The following FBXW10 variants were observed in gnomAD, a reference collection of about 807,000 sequenced individuals.
FBXW10 encodes the protein F-box/WD repeat-containing protein 10.
Under a neutral mutation model 113.1 loss-of-function variants are expected in FBXW10, and 68 were observed. The observed-to-expected ratio is 0.60, with a 90% confidence interval of 0.49 to 0.74. FBXW10 has a LOEUF of 0.74. Among genes scored for constraint, FBXW10 ranks in the 30% least tolerant of loss-of-function variants. The pLI, the probability that FBXW10 is intolerant of heterozygous loss-of-function variation, is 0.00. For missense variants in FBXW10, 753 were observed against 1,284.5 expected, an observed-to-expected ratio of 0.59 and a Z score of 6.32; for synonymous variants, 289 against 481.6, an observed-to-expected ratio of 0.60 and a Z score of 5.24.
Position 18,749,727 on chromosome 17 carries a change from C to G in FBXW10, c.676C>G (p.Pro226Ala). Reference sequence around the variant, plus strand: ...TTTCTCTGGCTTCACTCTAGAGGAACCATGGAGGAATTCACTCCGGTGTAT... The same window carrying G: ...TTTCTCTGGCTTCACTCTAGAGGAAGCATGGAGGAATTCACTCCGGTGTAT... ...LLGAASNPEE[P>A]WRNSLRCISE... is the part of the protein sequence containing the mutation. Residue 226 changes from proline to alanine, a missense_variant, in exon 3 of 14, where the codon CCA (proline) becomes GCA (alanine). Transcript: ENST00000395665. The G allele has an allele frequency of 1.2e-6, 2 of 1,613,966 alleles. No homozygotes were observed. Among genetic ancestry groups the G allele is most frequent in the Middle Eastern group, 1.7e-4 (1 of 6,056 alleles).
Position 18,756,033 on chromosome 17 carries a change from T to G in FBXW10, c.1123-12T>G. 1.2e-6 allele frequency: 2 copies of G among 1,612,710 alleles called. No individual in the cohort carries two copies. The highest frequency in any genetic ancestry group is 1.7e-6 in the Non-Finnish European group (2 of 1,179,170). On this transcript the variant is annotated splice_polypyrimidine_tract_variant and intron_variant, in intron 5 of 13. Coordinates refer to ENST00000395665, the MANE Select transcript of FBXW10 (RefSeq NM_001267585.2). ...TACCACTGAGCTTTAACTTCAAATA[T>G]TCCCTTGTTAGAATGAGTACAACCT... is the stretch of plus-strand genomic sequence containing the variant.
At chr17:18,746,062 G>C (rs1449082285) in intron 1 of FBXW10, among the ~76,000 whole-genome samples, 1 of 152,182 alleles carries the variant, frequency 6.6e-6, no homozygotes, top group Non-Finnish European at 1.5e-5. Context: ...CATGAGGCAA[G>C]AGAAGTAGCA....
At position 18,744,395 on chromosome 17, in the gene FBXW10, A is replaced by G. The variant is rs1422490674; in HGVS notation, c.151A>G (p.Ile51Val). The change falls in exon 1 of 14, where the codon ATA (isoleucine) becomes GTA (valine). Residue 51 changes from isoleucine (I) to valine (V), a missense_variant. Physicochemically the swap from Ile to Val is conservative, Grantham distance 29 (BLOSUM62 3). Transcript: ENST00000395665. ...TKEWFCRIND[I>V]SQRRFLVGIL... ...AGAGTGGTTCTGCAGGATCAATGACATATCACAGAGGAGGTTTCTAGTTGG... is the reference window on the plus strand; with the variant it reads ...AGAGTGGTTCTGCAGGATCAATGACGTATCACAGAGGAGGTTTCTAGTTGG... The G allele has an allele frequency of 6.2e-7, 1 of 1,613,848 alleles. No individual in the cohort carries two copies. The highest frequency in any genetic ancestry group is 1.7e-5 in the Admixed American group (1 of 60,004).
At chr17:18,757,966 T>C (rs1256528996) in intron 6 of FBXW10, among the ~76,000 whole-genome samples, 6 of 152,238 alleles carry the variant, frequency 3.9e-5, no homozygotes, top group Non-Finnish European at 8.8e-5. Flanking sequence ...CCTCTGACGT[T>C]TTCCAAGAAA....
chr17:18,770,195 T>A, intron 11 of FBXW10, 110 bp downstream of exon 11: 3 of 1,497,796 alleles, frequency 2.0e-6, no homozygotes, highest in Non-Finnish European at 1.8e-6. Context: ...GGAGAGAGTG[T>A]GCAATGCCTC....
intron 2 of FBXW10, among the ~76,000 whole-genome samples, chr17:18,748,781 G>A (rs749932685): frequency 2.6e-5 from 4 of 152,148 alleles, no homozygotes; most frequent in Non-Finnish European, 4.4e-5. Context: ...CCTGGGCTCT[G>A]GCATGGTGGC....
intron 12 of FBXW10, among the ~76,000 whole-genome samples, chr17:18,773,689 TAGTC>T (rs2035656384): frequency 6.6e-6 from 1 of 152,200 alleles, no homozygotes; most frequent in Non-Finnish European, 1.5e-5. Flanking sequence ...ACACTACAAA[TAGTC>T]AGCTATCTCT....
At chr17:18,772,928 C>CTTTTTTTT (rs940811811) in intron 12 of FBXW10, among the ~76,000 whole-genome samples, 2 of 135,638 alleles carry the variant, frequency 1.5e-5, no homozygotes, top group African/African-American at 2.7e-5. Context: ...TTCTTTCTTT[C>CTTTTTTTT]TTTTTTTTTT....
chr17:18,766,128 A>G (rs894844985), intron 8 of FBXW10, among the ~76,000 whole-genome samples: 1 of 152,180 alleles, frequency 6.6e-6, no homozygotes, highest in Non-Finnish European at 1.5e-5. Flanking sequence ...TCTGTGTTGA[A>G]GCAGCAGTAA....
chr17:18,777,688 C>T (rs2035728360), intron 13 of FBXW10, among the ~76,000 whole-genome samples: 1 of 151,646 alleles, frequency 6.6e-6, no homozygotes. Flanking sequence ...GGACTACAGG[C>T]GCCCGCCGCC....
intron 7 of FBXW10, among the ~76,000 whole-genome samples, chr17:18,763,550 T>C (rs1162043620): frequency 6.6e-6 from 1 of 152,040 alleles, no homozygotes; most frequent in Non-Finnish European, 1.5e-5. Context: ...TAGTAAGTGA[T>C]GGCCCTGGGA....
chr17:18,772,703 G>C lies in FBXW10; in HGVS notation c.2278+20G>C. ...CTTCAGGTAAAAAACTGAAATACCA[G>C]CAAGTTCAGTGATAACCCACAGAGC... On this transcript the variant is annotated intron_variant, in intron 12 of 13. Coordinates refer to ENST00000395665, the MANE Select transcript of FBXW10 (RefSeq NM_001267585.2). 1 of 1,602,332 alleles carries C rather than the reference G, an allele frequency of 6.2e-7. No individual in the cohort carries two copies. The highest frequency in any genetic ancestry group is 1.1e-5 in the South Asian group (1 of 89,006).
chr17:18,762,626 A>G (rs1309961957), intron 7 of FBXW10, among the ~76,000 whole-genome samples: 3 of 151,936 alleles, frequency 2.0e-5, no homozygotes, highest in Non-Finnish European at 4.4e-5. Flanking sequence ...CCGGCCGACA[A>G]TATATTATCT....
intron 11 of FBXW10, among the ~76,000 whole-genome samples, chr17:18,770,390 G>A (rs1277451913): frequency 4.6e-5 from 7 of 150,916 alleles, no homozygotes; most frequent in Admixed American, 6.6e-5. Flanking sequence ...TGCAACCTCC[G>A]CCTCCCGGGT....
chr17:18,747,956 T>A lies in FBXW10; in HGVS notation c.521T>A (p.Ile174Asn), dbSNP rs370476175. The A allele has an allele frequency of 6.2e-7, 1 of 1,613,738 alleles. No homozygotes were observed. The highest frequency in any genetic ancestry group is 8.5e-7 in the Non-Finnish European group (1 of 1,179,850). The change falls in exon 2 of 14, where the codon ATC becomes AAC. Residue 174 changes from isoleucine to asparagine, a missense_variant. Coordinates refer to ENST00000395665, the MANE Select transcript of FBXW10 (RefSeq NM_001267585.2). ...TGTGTTTCAGGGCTCAATCAAGACA[T>A]CACAGATGTGTGTTTTTCCCCTGAG... ...ENNISGLNQDITDVCFSPEKD... is the reference protein window; with the variant it reads ...ENNISGLNQDNTDVCFSPEKD...
intron 1 of FBXW10, among the ~76,000 whole-genome samples, chr17:18,746,327 G>A (rs1329207860): frequency 1.3e-5 from 2 of 152,176 alleles, no homozygotes; most frequent in Non-Finnish European, 2.9e-5. Context: ...GGGTCCAGGA[G>A]TGGAAGGTCC....
chr17:18,775,630 G>T (rs560226885), intron 13 of FBXW10, among the ~76,000 whole-genome samples: 11 of 152,326 alleles, frequency 7.2e-5, no homozygotes, highest in African/African-American at 2.4e-4. Context: ...GTTTCAGAGA[G>T]AATTTTAAGA....
intron 9 of FBXW10, among the ~76,000 whole-genome samples, chr17:18,767,664 C>A (rs2035523772): frequency 6.6e-6 from 1 of 152,118 alleles, no homozygotes; most frequent in South Asian, 2.1e-4. Context: ...ATATGATTTG[C>A]AGCAGGAACA....
At chr17:18,749,140 G>A (rs2035104313) in intron 2 of FBXW10, among the ~76,000 whole-genome samples, 1 of 151,958 alleles carries the variant, frequency 6.6e-6, no homozygotes, top group South Asian at 2.1e-4. Context: ...TCTTGTTGGA[G>A]TATTTTTAAG....
Sources: allele counts gnomAD v4.1 joint callset (sites outside exome capture counted in the v4.1 genomes callset), GRCh38; gene constraint gnomAD v4.1.1; transcripts MANE v1.5; gene names NCBI Gene and HGNC (gene_info 2026-07-23, HGNC 2026-07-21).